ZNF75D: variants seen among roughly 807,000 people sequenced by gnomAD.
ZNF75D encodes the protein zinc finger protein 75.
A neutral mutation model predicts 33.3 loss-of-function variants in ZNF75D; 33 were observed. The observed-to-expected ratio is 0.99, with a 90% confidence interval of 0.75 to 1.32. The LOEUF is 1.32. ZNF75D is among the 40% of genes most tolerant of loss of function. ZNF75D has a pLI of 0.00. For missense variants in ZNF75D, 338 were observed against 367.5 expected (o/e 0.92, Z 0.66); for synonymous variants, 113 against 130.6 (o/e 0.87, Z 0.92).
intron 1 of ZNF75D, among the ~76,000 whole-genome samples, chrX:135,258,652 T>C (rs1224431535): frequency 1.8e-5 from 2 of 111,992 alleles, no homozygotes; most frequent in African/African-American, 6.5e-5. Flanking sequence ...GTTTGTTTTT[T>C]TCTTGCAAAT....
rs1330123368 is a variant in ZNF75D at position 135,293,786 on chromosome X, G to A, written c.355C>T (p.Gln119Ter). Residue 119 changes from glutamine to a stop codon, truncating the protein, a stop_gained, in exon 3 of 7, where the codon CAG becomes TAG. Coordinates refer to ENST00000370766, the MANE Select transcript of ZNF75D (RefSeq NM_007131.5). LOFTEE classifies it high-confidence loss of function. ...VQKHHPQNVKQALVLVEFLQR... is the reference protein window; with the variant it reads ...VQKHHPQNVK ...AAGAATTCCACCAGGACCAGAGCCTGTTTGACATTCTGTGGATGATGCTTC... is the reference window on the plus strand; with the variant it reads ...AAGAATTCCACCAGGACCAGAGCCTATTTGACATTCTGTGGATGATGCTTC... 1 of 1,204,796 alleles carries A rather than the reference G, an allele frequency of 8.3e-7. No individual in the cohort carries two copies. The highest frequency in any genetic ancestry group is 1.1e-6 in the Non-Finnish European group (1 of 890,593).
At chrX:135,257,335 T>A (rs1342207157) in intron 1 of ZNF75D, among the ~76,000 whole-genome samples, 1 of 110,310 alleles carries the variant, frequency 9.1e-6, no homozygotes, top group Non-Finnish European at 1.9e-5. Flanking sequence ...TACAAGCTGA[T>A]GGAAGAGCCC....
At chrX:135,338,158 G>A (rs2084739367) in intron 1 of ZNF75D, among the ~76,000 whole-genome samples, 1 of 111,125 alleles carries the variant, frequency 9.0e-6, no homozygotes, top group Non-Finnish European at 1.9e-5. Flanking sequence ...GTGGAAAGGT[G>A]CACTCAACAG....
At chrX:135,306,339 G>A (rs1350047398) in intron 1 of ZNF75D, among the ~76,000 whole-genome samples, 1 of 100,750 alleles carries the variant, frequency 9.9e-6, no homozygotes, top group African/African-American at 3.8e-5. Context: ...ACACACACGG[G>A]ATTATAAAAA....
intron 1 of ZNF75D, among the ~76,000 whole-genome samples, chrX:135,277,644 C>T (rs1556417809): frequency 8.9e-6 from 1 of 112,158 alleles, no homozygotes; most frequent in African/African-American, 3.2e-5. Flanking sequence ...GTCTTTAATC[C>T]ATCTTGAGTT....
At chrX:135,249,337 G>A in intron 3 of ZNF75D, 2 of 257,202 alleles carry the variant, frequency 7.8e-6, no homozygotes, top group South Asian at 7.5e-5. Context: ...TTACCTGAAG[G>A]AGAAGCATCA....
intron 1 of ZNF75D, among the ~76,000 whole-genome samples, chrX:135,274,938 C>T (rs1556417413): frequency 9.0e-6 from 1 of 111,511 alleles, no homozygotes. Context: ...AGGATAAGAA[C>T]TCTAGGTAAC....
Position 135,316,766 on chromosome X carries a change from T to C in ZNF75D, c.-390-20727A>G, listed in dbSNP as rs782360265. ...CTTTCTTCTGCTTGATCTAGTCTAT[T>C]GTTGGAGTTTTTCAAGTGCATTTTG... On this transcript the variant is annotated intron_variant, in intron 1 of 6. Coordinates refer to ENST00000370766, the MANE Select transcript of ZNF75D (RefSeq NM_007131.5). 1.0e-3 allele frequency among the ~76,000 whole-genome samples: 110 copies of C among 108,967 alleles called. 1 individual carries two copies. The highest frequency in any genetic ancestry group is 3.4e-3 in the African/African-American group (103 of 30,015). The allele number at this position is 108,967 out of a possible 115,157, so 94.6% of individuals were successfully genotyped here.
chrX:135,299,152 G>A, intron 1 of ZNF75D, among the ~76,000 whole-genome samples: 1 of 111,884 alleles, frequency 8.9e-6, no homozygotes, highest in Non-Finnish European at 1.9e-5. Flanking sequence ...CATTTGTAGT[G>A]GTGTAATTGC....
At chrX:135,269,466 A>G (rs1367697109) in intron 1 of ZNF75D, among the ~76,000 whole-genome samples, 2 of 112,473 alleles carry the variant, frequency 1.8e-5, no homozygotes, top group Non-Finnish European at 3.8e-5. Context: ...TTCTTAAAAC[A>G]TACAAATGAC....
At chrX:135,337,702 C>A (rs1274190984) in intron 1 of ZNF75D, among the ~76,000 whole-genome samples, 1 of 110,617 alleles carries the variant, frequency 9.0e-6, no homozygotes, top group Non-Finnish European at 1.9e-5. Context: ...ATCCTAAATG[C>A]AAAGAGAATT....
chrX:135,326,974 G>T (rs782381512), intron 1 of ZNF75D, among the ~76,000 whole-genome samples: 1 of 112,550 alleles, frequency 8.9e-6, no homozygotes, highest in Admixed American at 9.3e-5. Context: ...CACCAATTCC[G>T]AACACATCAT....
At chrX:135,332,580 G>A (rs907099812) in intron 1 of ZNF75D, among the ~76,000 whole-genome samples, 1 of 112,023 alleles carries the variant, frequency 8.9e-6, no homozygotes, top group Admixed American at 9.4e-5. Context: ...AGAACTGGGA[G>A]CAATAGACTT....
chrX:135,302,197 G>A (rs2084227396), intron 1 of ZNF75D, among the ~76,000 whole-genome samples: 1 of 112,424 alleles, frequency 8.9e-6, no homozygotes, highest in Admixed American at 9.4e-5. Context: ...TCACTTTGGG[G>A]CAGAGACTTA....
intron 1 of ZNF75D, among the ~76,000 whole-genome samples, chrX:135,302,941 A>G (rs782163620): frequency 5.5e-5 from 6 of 110,090 alleles, no homozygotes; most frequent in Admixed American, 3.8e-4. Context: ...CTCGGGGAGG[A>G]GGATGTGGCA....
At position 135,293,746 on chromosome X, in the gene ZNF75D, T is replaced by C. The variant is rs782780969; in HGVS notation, c.395A>G (p.Asp132Gly). 1 of 1,179,824 alleles carries C rather than the reference T, an allele frequency of 8.5e-7. No individual in the cohort carries two copies. The highest frequency in any genetic ancestry group is 1.9e-5 in the South Asian group (1 of 52,324). Residue 132 changes from aspartate to glycine, a missense_variant, in exon 3 of 7, where the codon GAT becomes GGT. Asp to Gly is a moderately conservative substitution (Grantham distance 94, BLOSUM62 -1). This residue lies in a region of ZNF75D where 254 missense variants were observed against 267.7 expected (regional missense o/e 0.95). Transcript: ENST00000370766. ...TCTTCTTACCTCATTCTTTGTTCCATCAGGCTCCCTCTGCAAGAATTCCAC... is the reference window on the plus strand; with the variant it reads ...TCTTCTTACCTCATTCTTTGTTCCACCAGGCTCCCTCTGCAAGAATTCCAC... Reference protein sequence around the residue: ...VLVEFLQREPDGTKNEVTAHE... With the variant: ...VLVEFLQREPGGTKNEVTAHE...
chrX:135,312,306 T>C lies in ZNF75D; in HGVS notation c.-390-16267A>G, dbSNP rs991010147. ...ACATAATCACCTCCAATTCCATCCA[T>C]GTTGCTGCAACATGGATTGCGGAAT... is the stretch of plus-strand genomic sequence containing the variant. On this transcript the variant is annotated intron_variant, in intron 1 of 6. Transcript: ENST00000370766. 1.1e-4 allele frequency among the ~76,000 whole-genome samples: 12 copies of C among 111,633 alleles called. No homozygotes were observed. In the East Asian group the frequency reaches 3.1e-3, roughly 29 times the overall value.
chrX:135,252,149 A>G (rs1406662208), intron 2 of ZNF75D: 3 of 96,008 alleles, frequency 3.1e-5, no homozygotes, highest in Non-Finnish European at 6.2e-5. Context: ...TGTGCCATTA[A>G]CTAACTAACC....
chrX:135,335,275 C>CT (rs1316269226), intron 1 of ZNF75D, among the ~76,000 whole-genome samples: 24 of 111,072 alleles, frequency 2.2e-4, no homozygotes, highest in African/African-American at 7.2e-4. Context: ...GGTTTGGGAT[C>CT]TTCTTCTAAG....
Sources: gnomAD v4.1 joint callset for allele counts (sites outside exome capture counted in the v4.1 genomes callset) on GRCh38, gnomAD v4.1.1 for gene constraint, gnomAD v4.1.1 regional missense constraint, MANE v1.5 for transcripts, NCBI Gene and HGNC (gene_info 2026-07-23, HGNC 2026-07-21) for gene names.